The following MCU variants were observed in gnomAD, a reference collection of about 807,000 sequenced individuals.
The protein encoded by MCU is mitochondrial calcium uniporter, also known as calcium uniporter protein, mitochondrial.
In MCU, 12 loss-of-function variants were observed where a neutral mutation model predicts 45.2. The ratio of observed to expected loss-of-function variants is 0.27; its 90% CI spans 0.17 to 0.43. MCU has a LOEUF of 0.43. Ranked by LOEUF, MCU falls within the 20% of genes least tolerant of loss-of-function variation. The probability of loss-of-function intolerance (pLI) is 1.00; values close to 1 mark genes in which losing one functional copy is unlikely to be tolerated. For missense variants in MCU, 324 were observed against 436.7 expected (o/e 0.74, Z 2.30); for synonymous variants, 160 against 165.1 (o/e 0.97, Z 0.24).
At chr10:72,824,130 A>C (rs978228450) in intron 1 of MCU, among the ~76,000 whole-genome samples, 6 of 152,002 alleles carry the variant, frequency 3.9e-5, no homozygotes, top group South Asian at 4.2e-4. Flanking sequence ...TTCTTACGGT[A>C]TTCCTACTGG....
chr10:72,717,017 C>T (rs1197002299), intron 1 of MCU, among the ~76,000 whole-genome samples: 3 of 151,998 alleles, frequency 2.0e-5, no homozygotes. Flanking sequence ...GGTAGGTCTC[C>T]TGCCTCCTTT....
intron 1 of MCU, among the ~76,000 whole-genome samples, chr10:72,699,868 A>C (rs745415473): frequency 6.6e-6 from 1 of 152,034 alleles, no homozygotes; most frequent in Non-Finnish European, 1.5e-5. Flanking sequence ...CTGGGGTTAC[A>C]GGTGTGAGCC....
intron 6 of MCU, among the ~76,000 whole-genome samples, chr10:72,882,327 G>T (rs1201104844): frequency 6.6e-6 from 1 of 152,228 alleles, no homozygotes; most frequent in Non-Finnish European, 1.5e-5. Context: ...CAATTGTTCA[G>T]GGAATAAGAG....
intron 2 of MCU, among the ~76,000 whole-genome samples, chr10:72,846,674 T>TA (rs1368321546): frequency 6.6e-6 from 1 of 152,200 alleles, no homozygotes; most frequent in Admixed American, 6.5e-5. Context: ...AAATTAAACT[T>TA]AAAAAAATTT....
chr10:72,747,031 A>G (rs867739154), intron 1 of MCU, among the ~76,000 whole-genome samples: 1 of 152,230 alleles, frequency 6.6e-6, no homozygotes, highest in South Asian at 2.1e-4. Flanking sequence ...AATATAAACT[A>G]AAAATATAAC....
chr10:72,805,215 C>CTTTCCTTTCCTT (rs369177598), intron 1 of MCU, among the ~76,000 whole-genome samples: 9 of 131,734 alleles, frequency 6.8e-5, no homozygotes, highest in South Asian at 4.5e-4. Context: ...TCTTCCTTTC[C>CTTTCCTTTCCTT]TTTCCTTTCC....
intron 1 of MCU, among the ~76,000 whole-genome samples, chr10:72,795,358 C>T (rs560084056): frequency 1.3e-5 from 2 of 150,642 alleles, no homozygotes; most frequent in African/African-American, 2.5e-5. Flanking sequence ...ATCCCACTTC[C>T]AGTAATATTG....
At chr10:72,744,354 G>A (rs1843380307) in intron 1 of MCU, among the ~76,000 whole-genome samples, 1 of 151,740 alleles carries the variant, frequency 6.6e-6, no homozygotes, top group Admixed American at 6.6e-5. Context: ...ACTTCATTTT[G>A]CCAACTGGCT....
chr10:72,827,820 G>A (rs1844820074), intron 1 of MCU, among the ~76,000 whole-genome samples: 1 of 152,182 alleles, frequency 6.6e-6, no homozygotes, highest in African/African-American at 2.4e-5. Context: ...ACTTAGAAGT[G>A]GAAATTCAAG....
At chr10:72,852,900 C>A (rs558197385) in intron 2 of MCU, among the ~76,000 whole-genome samples, 2 of 152,278 alleles carry the variant, frequency 1.3e-5, no homozygotes, top group Admixed American at 6.5e-5. Context: ...CCTCTAGCCA[C>A]AGTAGAGAGA....
intron 1 of MCU, among the ~76,000 whole-genome samples, chr10:72,711,067 T>C (rs1231672671): frequency 1.3e-5 from 2 of 151,572 alleles, no homozygotes; most frequent in African/African-American, 2.4e-5. Context: ...TAATCCCAGC[T>C]ACTTGGGAGG....
chr10:72,886,010 T>C lies in MCU; in HGVS notation c.*188T>C. On this transcript the variant is annotated 3_prime_UTR_variant, in exon 8 of 8. Coordinates refer to ENST00000373053, the MANE Select transcript of MCU (RefSeq NM_138357.3). Reference sequence around the variant, plus strand: ...CCTGAGGATCAGGCATTGTGGAATATAAGCTCAAAGGGCTTAGTGAATATT... The same window carrying C: ...CCTGAGGATCAGGCATTGTGGAATACAAGCTCAAAGGGCTTAGTGAATATT... 1.8e-6 allele frequency: 1 copy of C among 562,672 alleles called. No individual in the cohort carries two copies. The highest frequency in any genetic ancestry group is 3.2e-6 in the Non-Finnish European group (1 of 316,226). 34.9% of individuals were successfully genotyped at this position (562,672 alleles called of 1,614,324 possible).
At chr10:72,798,633 GTTTTTCTTGTTT>G (rs1189343895) in intron 1 of MCU, among the ~76,000 whole-genome samples, 1 of 151,728 alleles carries the variant, frequency 6.6e-6, no homozygotes, top group Non-Finnish European at 1.5e-5. Flanking sequence ...AGTTGTTGTT[GTTTTTCTTGTTT>G]TTTTTTAGAA....
intron 1 of MCU, among the ~76,000 whole-genome samples, chr10:72,714,408 G>A (rs1842934300): frequency 8.0e-6 from 1 of 124,606 alleles, no homozygotes; most frequent in Admixed American, 9.6e-5. Flanking sequence ...GCCCAGGCTG[G>A]CCTTGAATTC....
chr10:72,876,891 G>T (rs1422265468), intron 6 of MCU, among the ~76,000 whole-genome samples: 2 of 148,764 alleles, frequency 1.3e-5, no homozygotes, highest in Middle Eastern at 7.1e-3. Flanking sequence ...AAAACTGTCT[G>T]CATCTTCTCT....
At chr10:72,859,091 A>G (rs1237535758) in intron 2 of MCU, 86 bp from the exon 3 acceptor site, 49 of 1,241,978 alleles carry the variant, frequency 3.9e-5, no homozygotes, top group Non-Finnish European at 5.5e-5. Flanking sequence ...CACTAATAAT[A>G]GACCCCCATG....
intron 1 of MCU, among the ~76,000 whole-genome samples, chr10:72,732,534 T>C (rs1843190104): frequency 6.6e-6 from 1 of 152,140 alleles, no homozygotes; most frequent in Non-Finnish European, 1.5e-5. Context: ...CTAATATAGA[T>C]CAAACATGAT....
intron 1 of MCU, among the ~76,000 whole-genome samples, chr10:72,694,325 A>G (rs3009557): frequency 0.63 from 95,193 of 152,026 alleles, 31,321 homozygotes; most frequent in African/African-American, 0.72. Flanking sequence ...TTGAGGCCCT[A>G]AAAAGAGAGA....
intron 1 of MCU, chr10:72,708,194 T>C (rs1043531111): frequency 1.3e-5 from 2 of 152,198 alleles, no homozygotes; most frequent in African/African-American, 4.8e-5. Context: ...TCATGAACAA[T>C]TTACCTTGTA....
Sources: allele counts gnomAD v4.1 joint callset (sites outside exome capture counted in the v4.1 genomes callset), GRCh38; gene constraint gnomAD v4.1.1; transcripts MANE v1.5; gene names NCBI Gene and HGNC (gene_info 2026-07-23, HGNC 2026-07-21).